STAG1: variants seen among roughly 807,000 people sequenced by gnomAD.
The protein encoded by STAG1 is cohesin subunit SA-1.
Under a neutral mutation model 170.9 loss-of-function variants are expected in STAG1, and 26 were observed. The ratio of observed to expected loss-of-function variants is 0.15; its 90% CI spans 0.11 to 0.21. The LOEUF (loss-of-function observed/expected upper bound fraction) is 0.21, where lower values mean the gene tolerates loss of function less well. Among genes scored for constraint, STAG1 ranks in the 10% least tolerant of loss-of-function variants. The pLI, the probability that STAG1 is intolerant of heterozygous loss-of-function variation, is 1.00. For synonymous variants in STAG1, 514 were observed against 497.7 expected (o/e 1.03, Z -0.44); for missense variants, 964 against 1,509.5 (o/e 0.64, Z 5.99).
At chr3:136,717,376 T>C (rs146241852) in intron 1 of STAG1, among the ~76,000 whole-genome samples, 4 of 152,278 alleles carry the variant, frequency 2.6e-5, no homozygotes, top group African/African-American at 9.6e-5. Context: ...TTCTAAATAA[T>C]ATGGAGGTCG....
At chr3:136,642,137 T>C (rs940253757) in intron 1 of STAG1, among the ~76,000 whole-genome samples, 1 of 152,144 alleles carries the variant, frequency 6.6e-6, no homozygotes, top group African/African-American at 2.4e-5. Flanking sequence ...GTCAATATGG[T>C]GTCTATCTCT....
chr3:136,667,399 T>C (rs761237755), intron 1 of STAG1, among the ~76,000 whole-genome samples: 50 of 148,272 alleles, frequency 3.4e-4, no homozygotes, highest in South Asian at 6.3e-4. Context: ...AAAAGAAAGA[T>C]AGATAGATAG....
intron 1 of STAG1, among the ~76,000 whole-genome samples, chr3:136,692,397 G>A (rs1392731615): frequency 6.6e-6 from 1 of 151,098 alleles, no homozygotes; most frequent in Non-Finnish European, 1.5e-5. Context: ...CACTTTGGGA[G>A]GCCAAGGTGG....
intron 5 of STAG1, among the ~76,000 whole-genome samples, chr3:136,562,503 T>C (rs933802195): frequency 6.6e-6 from 1 of 151,806 alleles, no homozygotes. Flanking sequence ...TCAGGAAATC[T>C]GCCCAAAGAA....
intron 3 of STAG1, among the ~76,000 whole-genome samples, chr3:136,612,174 T>C (rs763485065): frequency 3.9e-5 from 6 of 152,210 alleles, no homozygotes; most frequent in Admixed American, 2.6e-4. Context: ...TATGGCTATA[T>C]GTTCGGATTC....
intron 4 of STAG1, among the ~76,000 whole-genome samples, chr3:136,572,876 T>C (rs1937320841): frequency 6.6e-6 from 1 of 152,124 alleles, no homozygotes. Flanking sequence ...GATAAATGAA[T>C]TTAAAGAACT....
intron 1 of STAG1, among the ~76,000 whole-genome samples, chr3:136,667,031 T>G (rs773989747): frequency 3.9e-5 from 6 of 152,152 alleles, no homozygotes; most frequent in Non-Finnish European, 5.9e-5. Flanking sequence ...CTAAGTTATA[T>G]TTATGTAATT....
intron 12 of STAG1, among the ~76,000 whole-genome samples, chr3:136,469,794 C>T (rs939098016): frequency 3.4e-4 from 52 of 151,922 alleles, no homozygotes; most frequent in Non-Finnish European, 4.1e-4. Flanking sequence ...GAGATATAGA[C>T]CAATGGAACA....
intron 22 of STAG1, among the ~76,000 whole-genome samples, chr3:136,384,031 A>G (rs549800896): frequency 6.6e-6 from 1 of 152,214 alleles, no homozygotes; most frequent in African/African-American, 2.4e-5. Flanking sequence ...AGAGCCATTA[A>G]GTAGCAAAGT....
intron 29 of STAG1, among the ~76,000 whole-genome samples, chr3:136,348,505 C>T (rs1233865248): frequency 6.6e-6 from 1 of 152,088 alleles, no homozygotes; most frequent in Non-Finnish European, 1.5e-5. Context: ...AACTTCTGGG[C>T]TCAAGTGATT....
chr3:136,615,406 T>A (rs1209578406), intron 3 of STAG1, among the ~76,000 whole-genome samples: 3 of 72,272 alleles, frequency 4.2e-5, no homozygotes, highest in Non-Finnish European at 7.8e-5. Context: ...CCAGCCTGGG[T>A]GACAACAAGA....
At position 136,339,421 on chromosome 3, in the gene STAG1, G is replaced by A. The variant is rs146755354; in HGVS notation, c.3673-971C>T. ...GCCTATAGTGCCAGCTATTTGGGAG[G>A]CTGAGGCAGGAGAATCGCTTGAACC... On this transcript the variant is annotated intron_variant, in intron 32 of 33. Coordinates refer to ENST00000383202, the MANE Select transcript of STAG1 (RefSeq NM_005862.3). Among the ~76,000 whole-genome samples the A allele has an allele frequency of 2.1e-3, 316 of 152,256 alleles. 7 individuals are homozygous for A. The East Asian group carries it at 0.045, about 22-fold the overall frequency.
chr3:136,432,153 T>C, intron 16 of STAG1, among the ~76,000 whole-genome samples: 1 of 152,174 alleles, frequency 6.6e-6, no homozygotes, highest in Non-Finnish European at 1.5e-5. Context: ...TTAATCTTCA[T>C]GTTTTTCTAT....
chr3:136,428,581 C>T (rs2088201863), intron 16 of STAG1, among the ~76,000 whole-genome samples: 1 of 152,082 alleles, frequency 6.6e-6, no homozygotes, highest in Non-Finnish European at 1.5e-5. Context: ...AAAGGGCTGT[C>T]AACACTATTG....
Position 136,470,495 on chromosome 3 carries a change from G to A in STAG1, c.1205+1918C>T, listed in dbSNP as rs144274805. On this transcript the variant is annotated intron_variant, in intron 12 of 33. Coordinates refer to ENST00000383202, the MANE Select transcript of STAG1 (RefSeq NM_005862.3). ...AAAAAGTTAGGAAACAACAGATGTT[G>A]GAGAGGATGGGGAGAAATAGGAACA... Among the ~76,000 whole-genome samples the A allele has an allele frequency of 8.0e-3, 1,224 of 152,302 alleles. 22 individuals are homozygous for A. The highest frequency in any genetic ancestry group is 0.027 in the African/African-American group (1,127 of 41,554).
chr3:136,741,081 T>C (rs1934644482), intron 1 of STAG1, among the ~76,000 whole-genome samples: 2 of 152,186 alleles, frequency 1.3e-5, no homozygotes, highest in Admixed American at 1.3e-4. Flanking sequence ...CTTTTCAGGA[T>C]AGTTATATAG....
intron 22 of STAG1, among the ~76,000 whole-genome samples, chr3:136,379,840 C>A (rs1223356779): frequency 6.6e-6 from 1 of 152,120 alleles, no homozygotes; most frequent in South Asian, 2.1e-4. Flanking sequence ...ACATAGAAGA[C>A]CATTTAAAAT....
rs775138107 is a variant in STAG1, at chr3:136,419,471, G to A, written c.2109-1499C>T. ...GCACCCAGCCTTTTTTTTTTAAAGA[G>A]AGAGTCTTGCTCTGTTGCCCTGAGG... On this transcript the variant is annotated intron_variant, in intron 20 of 33. Transcript: ENST00000383202. Among the ~76,000 whole-genome samples the A allele has an allele frequency of 9.9e-4, 151 of 151,788 alleles. 1 individual carries two copies. Among genetic ancestry groups the A allele is most frequent in the Non-Finnish European group, 2.9e-4 (20 of 67,966 alleles).
chr3:136,544,426 A>G (rs1414747590), intron 5 of STAG1, among the ~76,000 whole-genome samples: 1 of 152,148 alleles, frequency 6.6e-6, no homozygotes, highest in African/African-American at 2.4e-5. Context: ...GCAGCAAAAC[A>G]ATTTATCCAA....
Sources: allele counts gnomAD v4.1 joint callset (sites outside exome capture counted in the v4.1 genomes callset), GRCh38; gene constraint gnomAD v4.1.1; transcripts MANE v1.5; gene names NCBI Gene and HGNC (gene_info 2026-07-23, HGNC 2026-07-21).